The following ETFDH variants were observed in gnomAD, a reference collection of about 807,000 sequenced individuals.
The protein encoded by ETFDH is electron transfer flavoprotein-ubiquinone oxidoreductase, mitochondrial.
In ETFDH, 61 loss-of-function variants were observed where a neutral mutation model predicts 73.2. That is an observed-to-expected ratio of 0.83 (90% CI 0.68 to 1.03). The LOEUF (loss-of-function observed/expected upper bound fraction) is 1.03. ETFDH is among the 50% of genes least tolerant of loss of function. ETFDH has a pLI of 0.00. For synonymous variants in ETFDH, 243 were observed against 253.3 expected (o/e 0.96, Z 0.39); for missense variants, 685 against 745.0 (o/e 0.92, Z 0.94).
chr4:158,702,940 A>G (rs11935419), intron 9 of ETFDH, among the ~76,000 whole-genome samples: 1,928 of 152,218 alleles, frequency 0.013, 42 homozygotes, highest in African/African-American at 0.042. Flanking sequence ...CCCACCAACA[A>G]TGTGTGAGTT....
intron 1 of ETFDH, chr4:158,679,215 T>C (rs992579296): frequency 6.6e-6 from 1 of 152,184 alleles, no homozygotes; most frequent in African/African-American, 2.4e-5. Flanking sequence ...CTAATGAATA[T>C]AGCTTCAAAT....
At chr4:158,696,984 T>A (rs1312694349) in intron 7 of ETFDH, among the ~76,000 whole-genome samples, 4 of 152,244 alleles carry the variant, frequency 2.6e-5, no homozygotes, top group African/African-American at 4.8e-5. Context: ...CTATTTAATG[T>A]CTTAAAGAGT....
intron 8 of ETFDH, among the ~76,000 whole-genome samples, chr4:158,698,246 C>T (rs1235241320): frequency 6.6e-6 from 1 of 152,148 alleles, no homozygotes; most frequent in Non-Finnish European, 1.5e-5. Context: ...AGTTTCTGTA[C>T]CTTGCAACTG....
At chr4:158,689,789 AG>A (rs1774116095) in intron 5 of ETFDH, among the ~76,000 whole-genome samples, 1 of 151,472 alleles carries the variant, frequency 6.6e-6, no homozygotes. Flanking sequence ...ACAGAAACCA[AG>A]GGTTACAGAC....
chr4:158,703,926 G>A (rs192335367), intron 10 of ETFDH, among the ~76,000 whole-genome samples: 6 of 152,098 alleles, frequency 3.9e-5, no homozygotes, highest in Admixed American at 1.3e-4. Flanking sequence ...GTGAAACCCC[G>A]TCTCTACTAA....
chr4:158,690,630 A>C (rs943352080), intron 6 of ETFDH, among the ~76,000 whole-genome samples: 3 of 152,162 alleles, frequency 2.0e-5, no homozygotes, highest in Non-Finnish European at 2.9e-5. Flanking sequence ...AGTGAGTCAT[A>C]ATCACGCCAC....
At chr4:158,698,795 C>G (rs1580415104) in intron 8 of ETFDH, among the ~76,000 whole-genome samples, 192 bp from the exon 9 acceptor site, 1 of 151,572 alleles carries the variant, frequency 6.6e-6, no homozygotes, top group African/African-American at 2.4e-5. Context: ...CTATCCTTTT[C>G]TTTACCTTTT....
intron 6 of ETFDH, among the ~76,000 whole-genome samples, chr4:158,690,874 G>C (rs1315542193): frequency 6.6e-6 from 1 of 150,476 alleles, no homozygotes; most frequent in African/African-American, 2.5e-5. Context: ...TTATAACCTG[G>C]TCTCAAAATA....
At chr4:158,707,481 G>T (rs534566334) in intron 12 of ETFDH, among the ~76,000 whole-genome samples, 42 of 152,174 alleles carry the variant, frequency 2.8e-4, no homozygotes, top group African/African-American at 9.9e-4. Context: ...AGTCACCCAC[G>T]GTCTGAAAAT....
chr4:158,681,239 G>A (rs868314600), intron 2 of ETFDH, among the ~76,000 whole-genome samples: 8 of 152,182 alleles, frequency 5.3e-5, no homozygotes, highest in South Asian at 2.1e-4. Flanking sequence ...CCTAACTAAT[G>A]TGTGTGTTTG....
chr4:158,695,160 T>C (rs998803558), intron 6 of ETFDH, among the ~76,000 whole-genome samples: 2 of 152,220 alleles, frequency 1.3e-5, no homozygotes, highest in African/African-American at 2.4e-5. Context: ...ACATTGTTTA[T>C]GTTCATGCGT....
chr4:158,672,320 C>T lies in ETFDH; in HGVS notation c.-137C>T. On this transcript the variant is annotated 5_prime_UTR_variant, in exon 1 of 13. Coordinates refer to ENST00000511912, the MANE Select transcript of ETFDH (RefSeq NM_004453.4). ...CGTGAAGCAAGAGCGGTCGGCAGAG[C>T]GGGGAGGCGAACTGCAGCAGAGTTC... 4.6e-6 allele frequency: 4 copies of T among 874,232 alleles called. No individual in the cohort carries two copies. Among genetic ancestry groups the T allele is most frequent in the South Asian group, 2.7e-5 (2 of 75,376 alleles). 54.2% of individuals were successfully genotyped at this position (874,232 alleles called of 1,614,324 possible).
Position 158,706,750 on chromosome 4 carries a change from A to G in ETFDH, c.1590A>G (p.Glu530=), listed in dbSNP as rs143015234. The G allele has an allele frequency of 2.0e-4, 326 of 1,613,992 alleles. No homozygotes were observed. The African/African-American group carries it at 3.9e-3, about 19-fold the overall frequency. Residue 530 remains glutamate (E), a synonymous_variant, in exon 12 of 13, where the codon GAA becomes GAG. Transcript: ENST00000511912. ...TGGCTCTGAGTGGTACTAATCATGAACATGACCAGCCGGCACACTTAACCT... is the reference window on the plus strand; with the variant it reads ...TGGCTCTGAGTGGTACTAATCATGAGCATGACCAGCCGGCACACTTAACCT... ...SSVALSGTNH[E]HDQPAHLTLR...
intron 2 of ETFDH, among the ~76,000 whole-genome samples, chr4:158,681,768 C>T (rs1253075670): frequency 6.6e-6 from 1 of 152,198 alleles, no homozygotes; most frequent in African/African-American, 2.4e-5. Context: ...AGCTTTGTAG[C>T]CTAGGAGCAA....
intron 5 of ETFDH, among the ~76,000 whole-genome samples, chr4:158,686,253 AC>A (rs991659063): frequency 6.6e-6 from 1 of 152,130 alleles, no homozygotes; most frequent in Non-Finnish European, 1.5e-5. Flanking sequence ...AAGGTGTGAT[AC>A]CCTTCCTCAC....
intron 6 of ETFDH, among the ~76,000 whole-genome samples, chr4:158,693,060 G>C (rs1162701151): frequency 2.0e-5 from 3 of 152,036 alleles, no homozygotes; most frequent in Non-Finnish European, 4.4e-5. Flanking sequence ...CACAAGATTA[G>C]AGTGGGGAAA....
chr4:158,705,315 G>C (rs1386544521), intron 10 of ETFDH, among the ~76,000 whole-genome samples: 2 of 152,138 alleles, frequency 1.3e-5, no homozygotes, highest in African/African-American at 4.8e-5. Context: ...CTCCCACTTT[G>C]GCCTCCCAAG....
At chr4:158,692,876 TAA>T (rs201333277) in intron 6 of ETFDH, among the ~76,000 whole-genome samples, 45,464 of 104,458 alleles carry the variant, frequency 0.44, 8,120 homozygotes, top group East Asian at 0.68. Flanking sequence ...AAAAAAAGAT[TAA>T]AAAAAAAAAA....
At chr4:158,706,445 A>C in intron 11 of ETFDH, 74 bp downstream of exon 11, 1 of 1,289,618 alleles carries the variant, frequency 7.8e-7, no homozygotes, top group Non-Finnish European at 1.1e-6. Flanking sequence ...AGAGAAAGTG[A>C]TTGTTTTAAT....
Sources: allele counts gnomAD v4.1 joint callset (sites outside exome capture counted in the v4.1 genomes callset), GRCh38; gene constraint gnomAD v4.1.1; transcripts MANE v1.5; gene names NCBI Gene and HGNC (gene_info 2026-07-23, HGNC 2026-07-21).